Variants in MYO10 observed in about 807,000 individuals in gnomAD.
The protein encoded by MYO10 is unconventional myosin-X.
MYO10 carries 133 observed loss-of-function variants against 257.3 expected under a neutral mutation model. That is an observed-to-expected ratio of 0.52 (90% confidence interval 0.45 to 0.60). The LOEUF is 0.60. Ranked by LOEUF, MYO10 falls within the 20% of genes least tolerant of loss-of-function variation. The pLI is 0.00. For missense variants in MYO10, 2,399 were observed against 2,635.7 expected (o/e 0.91, Z 1.97); for synonymous variants, 1,104 against 1,028.6 (o/e 1.07, Z -1.40).
chr5:16,880,905 G>A (rs166227), intron 1 of MYO10, among the ~76,000 whole-genome samples: 1 of 152,048 alleles, frequency 6.6e-6, no homozygotes, highest in African/African-American at 2.4e-5. Context: ...GATTTCAAGT[G>A]CCTGATGACT....
In MYO10 at chr5:16,889,921, C is replaced by G. The variant is rs1367660293; in HGVS notation, c.22-12214G>C. ...GGGGAGAGGGGGAGAGAAATGCCTA[C>G]AAATAAACAAACTGATAAGATTTTC... is the stretch of plus-strand genomic sequence containing the variant. On this transcript the variant is annotated intron_variant, in intron 1 of 40. Coordinates refer to ENST00000513610, the MANE Select transcript of MYO10 (RefSeq NM_012334.3). Among the ~76,000 whole-genome samples, 9 of 151,652 alleles carry G rather than the reference C, an allele frequency of 5.9e-5. 1 individual carries two copies. Among genetic ancestry groups the G allele is most frequent in the African/African-American group, 2.2e-4 (9 of 41,002 alleles).
chr5:16,670,656 G>T lies in MYO10; in HGVS notation c.5753C>A (p.Ser1918Tyr), dbSNP rs545077121. 8 of 1,613,990 alleles carry T rather than the reference G, an allele frequency of 5.0e-6. No homozygotes were observed. In the East Asian group the frequency reaches 1.8e-4, roughly 36 times the overall value. ...GTCAATGATACTGGCTCGAGCAGAG[G>T]AGACTTCTTCCTTAATCCACATGTC... ...MLDMWIKEEV[S>Y]SARASIIDKW... Residue 1918 changes from serine to tyrosine, a missense_variant, in exon 39 of 41, where the codon TCC becomes TAC. Transcript: ENST00000513610.
In MYO10 at chr5:16,851,795, G is replaced by A. The variant is rs147713156; in HGVS notation, c.120+25814C>T. On this transcript the variant is annotated intron_variant, in intron 2 of 40. Coordinates refer to ENST00000513610, the MANE Select transcript of MYO10 (RefSeq NM_012334.3). ...TGGCCGGGCGTGGTGGCTCATGCCT[G>A]TAATCCCAGCACTTTGGGAGGCCAA... Among the ~76,000 whole-genome samples the A allele has an allele frequency of 4.1e-3, 619 of 152,258 alleles. 7 individuals carry two copies. Among genetic ancestry groups the A allele is most frequent in the African/African-American group, 0.014 (580 of 41,558 alleles).
intron 19 of MYO10, among the ~76,000 whole-genome samples, chr5:16,745,775 G>A (rs905244036): frequency 2.6e-5 from 4 of 152,142 alleles, no homozygotes; most frequent in African/African-American, 9.7e-5. Flanking sequence ...CTGTTTCTGA[G>A]GGTTCCTTAG....
chr5:16,914,447 T>C (rs932040694), intron 1 of MYO10, among the ~76,000 whole-genome samples: 1 of 152,218 alleles, frequency 6.6e-6, no homozygotes, highest in African/African-American at 2.4e-5. Flanking sequence ...CAGATCAATA[T>C]GCCCCATGAC....
intron 3 of MYO10, among the ~76,000 whole-genome samples, chr5:16,798,212 A>T (rs1742023236): frequency 6.6e-6 from 1 of 152,076 alleles, no homozygotes; most frequent in Non-Finnish European, 1.5e-5. Context: ...TAAATTACCC[A>T]GTGTGTGGTA....
At position 16,861,000 on chromosome 5, in the gene MYO10, CT is replaced by C. The variant is rs1201673849; in HGVS notation, c.120+16608del. Among the ~76,000 whole-genome samples the C allele has an allele frequency of 2.6e-5, 4 of 152,212 alleles. No homozygotes were observed. The South Asian group carries it at 8.3e-4, about 32-fold the overall frequency. On this transcript the variant is annotated intron_variant, in intron 2 of 40. Transcript: ENST00000513610. ...TTTCATCTATGAAATAGTTCTGAACCTGGTTGCTCATTAAACAGCACCCAGG... is the reference window on the plus strand; with the variant it reads ...TTTCATCTATGAAATAGTTCTGAACCGGTTGCTCATTAAACAGCACCCAGG...
intron 10 of MYO10, among the ~76,000 whole-genome samples, chr5:16,766,774 T>C (rs1198881406): frequency 6.9e-6 from 1 of 144,056 alleles, no homozygotes; most frequent in South Asian, 2.3e-4. Flanking sequence ...TACTTTCTTT[T>C]TTTTTTTTTT....
intron 33 of MYO10, among the ~76,000 whole-genome samples, chr5:16,677,416 CTT>C (rs796474728): frequency 5.0e-5 from 6 of 119,376 alleles, no homozygotes; most frequent in East Asian, 2.3e-4. Flanking sequence ...GTAACTTGAC[CTT>C]TTTTTTTTTT....
At chr5:16,726,568 G>A (rs976062758) in intron 19 of MYO10, among the ~76,000 whole-genome samples, 14 of 152,116 alleles carry the variant, frequency 9.2e-5, no homozygotes, top group Non-Finnish European at 1.5e-4. Flanking sequence ...TCCAGGCATC[G>A]TGACAGCCAA....
intron 4 of MYO10, among the ~76,000 whole-genome samples, chr5:16,784,925 G>A (rs1252095003): frequency 2.6e-5 from 4 of 152,124 alleles, no homozygotes. Context: ...GACAGGCCTG[G>A]GCAGGGGCCA....
chr5:16,876,473 C>CA (rs1445985001), intron 2 of MYO10, among the ~76,000 whole-genome samples: 1 of 152,154 alleles, frequency 6.6e-6, no homozygotes, highest in Non-Finnish European at 1.5e-5. Context: ...GTGATTTAGT[C>CA]AGTCTTCTTC....
At chr5:16,920,788 T>C (rs1258668350) in intron 1 of MYO10, among the ~76,000 whole-genome samples, 1 of 152,210 alleles carries the variant, frequency 6.6e-6, no homozygotes, top group Non-Finnish European at 1.5e-5. Context: ...CTGTACTATT[T>C]GGGTGACTTC....
intron 2 of MYO10, among the ~76,000 whole-genome samples, chr5:16,823,366 A>AC (rs1262758037): frequency 3.8e-5 from 5 of 130,220 alleles, no homozygotes; most frequent in African/African-American, 1.2e-4. Context: ...AATCACTTGA[A>AC]CCCGGGGGGC....
At chr5:16,924,775 T>C (rs1746084269) in intron 1 of MYO10, among the ~76,000 whole-genome samples, 1 of 151,572 alleles carries the variant, frequency 6.6e-6, no homozygotes, top group South Asian at 2.1e-4. Flanking sequence ...GAAAGTGATA[T>C]TAACTTTGAA....
intron 2 of MYO10, among the ~76,000 whole-genome samples, chr5:16,841,598 G>C (rs951535758): frequency 1.3e-5 from 2 of 152,114 alleles, no homozygotes; most frequent in Admixed American, 1.3e-4. Context: ...CCATTTCTCT[G>C]AGAGAGAAGG....
At chr5:16,761,989 G>A (rs1740725804) in intron 16 of MYO10, 56 bp downstream of exon 16, 3 of 1,465,964 alleles carry the variant, frequency 2.0e-6, no homozygotes, top group Non-Finnish European at 2.7e-6. Context: ...TGAAACCACT[G>A]TTTTCTCTGA....
chr5:16,923,367 A>G (rs974129065), intron 1 of MYO10, among the ~76,000 whole-genome samples: 1 of 151,428 alleles, frequency 6.6e-6, no homozygotes, highest in Non-Finnish European at 1.5e-5. Flanking sequence ...GCTCACTGCA[A>G]GCTCCGCCTC....
chr5:16,926,470 G>A (rs1056525598), intron 1 of MYO10, among the ~76,000 whole-genome samples: 4 of 152,182 alleles, frequency 2.6e-5, no homozygotes, highest in African/African-American at 9.7e-5. Context: ...CGGAGGCCAA[G>A]GCTAGTGGAT....
Sources: allele counts gnomAD v4.1 joint callset (sites outside exome capture counted in the v4.1 genomes callset), GRCh38; gene constraint gnomAD v4.1.1; transcripts MANE v1.5; gene names NCBI Gene and HGNC (gene_info 2026-07-23, HGNC 2026-07-21).